PHLPP1: variants seen among roughly 807,000 people sequenced by gnomAD.
The protein encoded by PHLPP1 is PH domain leucine-rich repeat-containing protein phosphatase 1.
A neutral mutation model predicts 117.2 loss-of-function variants in PHLPP1; 42 were observed. The observed-to-expected ratio is 0.36, with a 90% CI of 0.28 to 0.46. The LOEUF is 0.46. PHLPP1 is among the 20% of genes least tolerant of loss of function. The probability of loss-of-function intolerance (pLI) is 1.00; values close to 1 mark genes in which losing one functional copy is unlikely to be tolerated. For missense variants in PHLPP1, 2,084 were observed against 2,241.9 expected (o/e 0.93, Z 1.42); for synonymous variants, 1,042 against 970.7 (o/e 1.07, Z -1.37).
chr18:62,821,569 AAAG>A (rs1914458569), intron 1 of PHLPP1, among the ~76,000 whole-genome samples: 1 of 149,268 alleles, frequency 6.7e-6, no homozygotes, highest in African/African-American at 2.4e-5. Context: ...AAAAAAAAAA[AAAG>A]AAAAGAAAAA....
At chr18:62,892,175 G>A (rs1311887251) in intron 4 of PHLPP1, among the ~76,000 whole-genome samples, 3 of 137,726 alleles carry the variant, frequency 2.2e-5, no homozygotes, top group East Asian at 4.8e-4. Context: ...TGTGACCTCC[G>A]CCTCCCAGGT....
At chr18:62,865,501 T>C (rs1045900845) in intron 4 of PHLPP1, among the ~76,000 whole-genome samples, 1 of 152,194 alleles carries the variant, frequency 6.6e-6, no homozygotes, top group African/African-American at 2.4e-5. Context: ...TATTGGGAAG[T>C]ATTTTTGCAT....
chr18:62,790,787 C>T lies in PHLPP1; in HGVS notation c.1577-39248C>T, dbSNP rs114156866. On this transcript the variant is annotated intron_variant, in intron 1 of 16. Coordinates refer to ENST00000262719, the MANE Select transcript of PHLPP1 (RefSeq NM_194449.4). ...CCGTTAGTTGAGTGGGAGTTAAGGT[C>T]ATGAATCTGAGTCTGGGGACTGAGA... is the stretch of plus-strand genomic sequence containing the variant. Among the ~76,000 whole-genome samples the T allele has an allele frequency of 9.9e-3, 1,512 of 152,122 alleles. 26 individuals carry two copies. The highest frequency in any genetic ancestry group is 0.034 in the African/African-American group (1,409 of 41,498).
chr18:62,763,933 CG>C (rs1912355091), intron 1 of PHLPP1, among the ~76,000 whole-genome samples: 1 of 152,000 alleles, frequency 6.6e-6, no homozygotes, highest in African/African-American at 2.4e-5. Flanking sequence ...GAGGCTGAGG[CG>C]GGTGTATCAC....
chr18:62,864,971 G>A (rs1915734390), intron 4 of PHLPP1, among the ~76,000 whole-genome samples: 1 of 152,146 alleles, frequency 6.6e-6, no homozygotes, highest in Non-Finnish European at 1.5e-5. Context: ...ACAAATGGTA[G>A]GACTGATTTG....
At chr18:62,896,656 A>G (rs991259198) in intron 6 of PHLPP1, among the ~76,000 whole-genome samples, 2 of 151,876 alleles carry the variant, frequency 1.3e-5, no homozygotes, top group Admixed American at 6.6e-5. Context: ...CTGGAGTGTA[A>G]TGATGTGCTC....
At position 62,716,741 on chromosome 18, in the gene PHLPP1, G is replaced by C. The variant is rs1233939876; in HGVS notation, c.1058G>C (p.Ser353Thr). ...VVSDTESFSL[S>T]PSAESVSDRL... ...TCCGACACCGAGAGCTTCAGTCTGAGTCCCAGCGCCGAGAGCGTGTCTGAC... is the reference window on the plus strand; with the variant it reads ...TCCGACACCGAGAGCTTCAGTCTGACTCCCAGCGCCGAGAGCGTGTCTGAC... The change falls in exon 1 of 17, where the codon AGT (serine) becomes ACT (threonine). Residue 353 changes from serine to threonine, a missense_variant. By Grantham distance (58) the Ser-to-Thr change is moderately conservative. Transcript: ENST00000262719. The surrounding 1 kb of genome is among the most constrained non-coding windows in gnomAD (Gnocchi z 5.7). 1 of 1,516,890 alleles carries C rather than the reference G, an allele frequency of 6.6e-7. No homozygotes were observed. The highest frequency in any genetic ancestry group is 8.8e-7 in the Non-Finnish European group (1 of 1,138,114). The allele number at this position is 1,516,890 out of a possible 1,614,324, so 94.0% of individuals were successfully genotyped here.
At chr18:62,812,385 A>G (rs532706533) in intron 1 of PHLPP1, among the ~76,000 whole-genome samples, 3 of 152,216 alleles carry the variant, frequency 2.0e-5, no homozygotes, top group Admixed American at 1.3e-4. Context: ...TAGCGTCATC[A>G]TCCTGATTTC....
At chr18:62,751,208 A>G (rs972733337) in intron 1 of PHLPP1, among the ~76,000 whole-genome samples, 3 of 152,228 alleles carry the variant, frequency 2.0e-5, no homozygotes, top group Admixed American at 1.3e-4. Context: ...TGATCTGGAA[A>G]CATTTCCTAG....
intron 4 of PHLPP1, among the ~76,000 whole-genome samples, chr18:62,884,940 A>G (rs1309260859): frequency 6.6e-6 from 1 of 152,216 alleles, no homozygotes; most frequent in Non-Finnish European, 1.5e-5. Flanking sequence ...AAAATTACTC[A>G]AGACTTAGAT....
intron 1 of PHLPP1, among the ~76,000 whole-genome samples, chr18:62,805,386 A>G (rs1023625292): frequency 2.0e-5 from 3 of 152,056 alleles, no homozygotes; most frequent in African/African-American, 7.2e-5. Flanking sequence ...CATATACAGT[A>G]TAATATACAC....
At chr18:62,806,726 C>T (rs1355382976) in intron 1 of PHLPP1, among the ~76,000 whole-genome samples, 4 of 152,102 alleles carry the variant, frequency 2.6e-5, no homozygotes, top group African/African-American at 7.2e-5. Flanking sequence ...AGCTTGACAT[C>T]TTTTTTGAAA....
At chr18:62,753,259 CA>C (rs979674278) in intron 1 of PHLPP1, among the ~76,000 whole-genome samples, 2 of 152,084 alleles carry the variant, frequency 1.3e-5, no homozygotes, top group African/African-American at 4.8e-5. Flanking sequence ...AAGCTGATGA[CA>C]AAAAATGTTT....
Position 62,895,885 on chromosome 18 carries a change from C to G in PHLPP1, c.2318C>G (p.Thr773Ser). The change falls in exon 6 of 17, where the codon ACT becomes AGT. Residue 773 changes from threonine (T) to serine (S), a missense_variant. Around this residue, in one of 2 missense-constraint regions of PHLPP1, gnomAD observed 1,365 missense variants for 1,605.9 expected, o/e 0.85. Coordinates refer to ENST00000262719, the MANE Select transcript of PHLPP1 (RefSeq NM_194449.4). The part of the protein sequence containing the change: ...SYLGLSFNEF[T>S]DIPEVLEKLT... ...CTGGGTCTTTCTTTCAATGAATTTA[C>G]TGACATTCCCGAAGTATTGGAGAAA... is the stretch of plus-strand genomic sequence containing the variant. The G allele has an allele frequency of 6.2e-7, 1 of 1,612,774 alleles. No homozygotes were observed. Among genetic ancestry groups the G allele is most frequent in the Non-Finnish European group, 8.5e-7 (1 of 1,178,790 alleles).
chr18:62,950,605 G>T (rs534105690), intron 12 of PHLPP1, among the ~76,000 whole-genome samples: 41 of 152,332 alleles, frequency 2.7e-4, no homozygotes, highest in Non-Finnish European at 4.7e-4. Flanking sequence ...GTAGGAAATG[G>T]ATATGAAGAC....
At chr18:62,920,598 C>T (rs188256302) in intron 10 of PHLPP1, among the ~76,000 whole-genome samples, 89 of 152,304 alleles carry the variant, frequency 5.8e-4, no homozygotes, top group African/African-American at 2.0e-3. Context: ...CGCACTCTGT[C>T]GCCTACGCTG....
In PHLPP1 at chr18:62,979,136, G is replaced by A. The variant is rs779552466; in HGVS notation, c.4859G>A (p.Arg1620His). 8.1e-6 allele frequency: 13 copies of A among 1,613,776 alleles called. No individual in the cohort carries two copies. Among genetic ancestry groups the A allele is most frequent in the Admixed American group, 3.3e-5 (2 of 59,996 alleles). Residue 1620 changes from arginine to histidine, a missense_variant, in exon 17 of 17, where the codon CGC becomes CAC. Physicochemically the swap from Arg to His is conservative, Grantham distance 29. This residue lies in a region of PHLPP1 where 1,365 missense variants were observed against 1,605.9 expected (regional missense o/e 0.85). Transcript: ENST00000262719. ...TTCTCTGCCGTTGGGACCATTGGGC[G>A]CCGGAGGGCCAATGGCTCTGTTGCG... ...ADFSAVGTIGRRRANGSVAPQ... is the reference protein window; with the variant it reads ...ADFSAVGTIGHRRANGSVAPQ...
At chr18:62,946,396 G>A (rs1910283726) in intron 12 of PHLPP1, among the ~76,000 whole-genome samples, 1 of 152,132 alleles carries the variant, frequency 6.6e-6, no homozygotes, top group African/African-American at 2.4e-5. Flanking sequence ...CTCCCGACTA[G>A]CTGGGATTAC....
intron 16 of PHLPP1, among the ~76,000 whole-genome samples, chr18:62,977,415 C>A (rs1911220618): frequency 1.1e-5 from 1 of 94,350 alleles, no homozygotes; most frequent in African/African-American, 4.3e-5. Flanking sequence ...AAGAACCAAG[C>A]AGGTACACGT....
Sources: allele counts gnomAD v4.1 joint callset (sites outside exome capture counted in the v4.1 genomes callset), GRCh38; gene constraint gnomAD v4.1.1; regional missense constraint gnomAD v4.1.1; non-coding constraint Gnocchi (gnomAD v3.1); transcripts MANE v1.5; gene names NCBI Gene and HGNC (gene_info 2026-07-23, HGNC 2026-07-21).